The following TMEM163 variants were observed in gnomAD, a reference collection of about 807,000 sequenced individuals.
TMEM163 encodes transmembrane protein 163.
Under a neutral mutation model 29.3 loss-of-function variants are expected in TMEM163, and 17 were observed. That is an observed-to-expected ratio of 0.58 (90% CI 0.40 to 0.87). TMEM163 has a LOEUF of 0.87. TMEM163 is among the 40% of genes least tolerant of loss of function. The probability of loss-of-function intolerance (pLI) is 0.00; values close to 1 mark genes in which losing one functional copy is unlikely to be tolerated. For synonymous variants in TMEM163, 157 were observed against 160.6 expected (o/e 0.98, Z 0.17); for missense variants, 303 against 381.5 (o/e 0.79, Z 1.71).
intron 2 of TMEM163, among the ~76,000 whole-genome samples, chr2:134,563,993 G>C (rs986118951): frequency 3.3e-5 from 5 of 152,172 alleles, no homozygotes; most frequent in African/African-American, 1.2e-4. Flanking sequence ...GGAGGTTGCA[G>C]TGAGCCGAGA....
At chr2:134,647,925 C>T (rs1683372048) in intron 2 of TMEM163, among the ~76,000 whole-genome samples, 1 of 152,174 alleles carries the variant, frequency 6.6e-6, no homozygotes, top group African/African-American at 2.4e-5. Flanking sequence ...TGCCCACGAC[C>T]CCTGAAGCCC....
chr2:134,476,067 A>G (rs1383820267), intron 5 of TMEM163, among the ~76,000 whole-genome samples: 2 of 152,252 alleles, frequency 1.3e-5, no homozygotes, highest in Non-Finnish European at 1.5e-5. Context: ...AACTGGAAAT[A>G]ACCTAAATGT....
At chr2:134,673,905 A>G (rs1684048705) in intron 2 of TMEM163, among the ~76,000 whole-genome samples, 1 of 152,242 alleles carries the variant, frequency 6.6e-6, no homozygotes, top group African/African-American at 2.4e-5. Flanking sequence ...GTTTGTGGTC[A>G]TTTGTCACAG....
intron 2 of TMEM163, among the ~76,000 whole-genome samples, chr2:134,572,303 C>T (rs943341084): frequency 6.6e-6 from 1 of 152,146 alleles, no homozygotes; most frequent in Non-Finnish European, 1.5e-5. Flanking sequence ...GCAGAGACTG[C>T]AAATTGATGT....
intron 5 of TMEM163, among the ~76,000 whole-genome samples, chr2:134,494,152 T>G (rs1030954882): frequency 6.6e-6 from 1 of 152,168 alleles, no homozygotes; most frequent in African/African-American, 2.4e-5. Context: ...CTTTCATCAG[T>G]GCCCAGTTCT....
intron 2 of TMEM163, among the ~76,000 whole-genome samples, chr2:134,700,314 C>T (rs1684669482): frequency 6.6e-6 from 1 of 152,130 alleles, no homozygotes; most frequent in Non-Finnish European, 1.5e-5. Flanking sequence ...TTTCTATTTC[C>T]TCTCTTTTCT....
chr2:134,488,476 A>G (rs978536682), intron 5 of TMEM163, among the ~76,000 whole-genome samples: 1 of 151,756 alleles, frequency 6.6e-6, no homozygotes, highest in Non-Finnish European at 1.5e-5. Context: ...CAGCTTTTGG[A>G]CTCCTGGACT....
intron 5 of TMEM163, among the ~76,000 whole-genome samples, chr2:134,474,188 C>T (rs1425569500): frequency 6.6e-6 from 1 of 152,142 alleles, no homozygotes; most frequent in Non-Finnish European, 1.5e-5. Context: ...TCCTGGGGAA[C>T]CAATATTGAT....
intron 4 of TMEM163, among the ~76,000 whole-genome samples, chr2:134,534,369 C>A (rs1680483276): frequency 6.6e-6 from 1 of 152,154 alleles, no homozygotes; most frequent in Non-Finnish European, 1.5e-5. Context: ...CCCCACCATT[C>A]CACAGATGCA....
intron 2 of TMEM163, among the ~76,000 whole-genome samples, chr2:134,557,368 GATCA>G (rs1416588617): frequency 6.6e-6 from 1 of 152,192 alleles, no homozygotes; most frequent in African/African-American, 2.4e-5. Context: ...CTGAGACAGA[GATCA>G]ATCAATTTAG....
intron 4 of TMEM163, among the ~76,000 whole-genome samples, chr2:134,523,544 T>TC (rs985046442): frequency 4.6e-5 from 7 of 152,254 alleles, no homozygotes; most frequent in African/African-American, 1.7e-4. Context: ...CTCCTGTCTC[T>TC]CCCCCAATCT....
At chr2:134,617,887 G>C (rs1036884248) in intron 2 of TMEM163, among the ~76,000 whole-genome samples, 2 of 152,134 alleles carry the variant, frequency 1.3e-5, no homozygotes, top group African/African-American at 2.4e-5. Flanking sequence ...AAGGTGGGAG[G>C]GGGGCTTGAG....
At chr2:134,684,630 A>C (rs1361486243) in intron 2 of TMEM163, among the ~76,000 whole-genome samples, 2 of 152,154 alleles carry the variant, frequency 1.3e-5, no homozygotes, top group African/African-American at 4.8e-5. Context: ...ACACAGAGAG[A>C]TACCTTAAAA....
At chr2:134,459,113 C>A (rs115596642) in intron 6 of TMEM163, 2,317 of 152,440 alleles carry the variant, frequency 0.015, 45 homozygotes, top group African/African-American at 0.039. Context: ...TCCACGCTGC[C>A]CAAGGAGGCC....
At chr2:134,692,899 C>G (rs1232003030) in intron 2 of TMEM163, among the ~76,000 whole-genome samples, 1 of 152,180 alleles carries the variant, frequency 6.6e-6, no homozygotes, top group East Asian at 1.9e-4. Context: ...GGCTACTTCA[C>G]CCATCCACCA....
chr2:134,572,425 C>T (rs1315870992), intron 2 of TMEM163, among the ~76,000 whole-genome samples: 2 of 152,218 alleles, frequency 1.3e-5, no homozygotes, highest in Admixed American at 6.5e-5. Flanking sequence ...CACTATCCCT[C>T]CTCTTAGACA....
intron 6 of TMEM163, chr2:134,458,743 C>G (rs1032491286): frequency 6.5e-6 from 1 of 152,906 alleles, no homozygotes; most frequent in South Asian, 2.1e-4. Flanking sequence ...GGCATTCTAT[C>G]CCAACCTGCA....
intron 2 of TMEM163, among the ~76,000 whole-genome samples, chr2:134,587,998 G>C (rs842359): frequency 0.65 from 99,001 of 152,158 alleles, 35,602 homozygotes; most frequent in East Asian, 0.97. Flanking sequence ...GAAGGCCAGA[G>C]AAAATGTAAA....
At chr2:134,461,884 C>A (rs1686546560) in intron 6 of TMEM163, among the ~76,000 whole-genome samples, 1 of 152,220 alleles carries the variant, frequency 6.6e-6, no homozygotes, top group Non-Finnish European at 1.5e-5. Context: ...CAGGGAACCC[C>A]CAACGTTCAT....
Sources: allele counts gnomAD v4.1 joint callset (sites outside exome capture counted in the v4.1 genomes callset), GRCh38; gene constraint gnomAD v4.1.1; transcripts MANE v1.5; gene names NCBI Gene and HGNC (gene_info 2026-07-23, HGNC 2026-07-21).